TDRD3: variants seen among roughly 807,000 people sequenced by gnomAD.
The protein encoded by TDRD3 is tudor domain containing 3.
In TDRD3, 45 loss-of-function variants were observed where a neutral mutation model predicts 86.7. The ratio of observed to expected loss-of-function variants is 0.52; its 90% CI spans 0.41 to 0.67. TDRD3 has a LOEUF of 0.67. TDRD3 is among the 30% of genes least tolerant of loss of function. The probability of loss-of-function intolerance (pLI) is 0.00; values close to 1 mark genes in which losing one functional copy is unlikely to be tolerated. For missense variants in TDRD3, 814 were observed against 889.0 expected, an observed-to-expected ratio of 0.92 and a Z score of 1.07; for synonymous variants, 298 against 301.7, an observed-to-expected ratio of 0.99 and a Z score of 0.13.
At chr13:60,567,409 G>A in intron 12 of TDRD3, 116 bp from the exon 13 acceptor site, 2 of 1,334,564 alleles carry the variant, frequency 1.5e-6, no homozygotes, top group Non-Finnish European at 2.1e-6. Flanking sequence ...GTTGACATGT[G>A]TGAATTCCAG....
At chr13:60,499,474 C>G (rs796613407) in intron 8 of TDRD3, among the ~76,000 whole-genome samples, 1 of 152,222 alleles carries the variant, frequency 6.6e-6, no homozygotes, top group East Asian at 1.9e-4. Flanking sequence ...TACTGTCCTT[C>G]CTCAGGGGTA....
Position 60,528,557 on chromosome 13 carries a change from A to G in TDRD3, c.1332A>G (p.Gly444=), listed in dbSNP as rs1957503020. 1.2e-6 allele frequency: 2 copies of G among 1,613,940 alleles called. No individual in the cohort carries two copies. Among genetic ancestry groups the G allele is most frequent in the African/African-American group, 1.3e-5 (1 of 74,926 alleles). ...CAAAGTCAGTTTTAGAAGGCAGTGG[A>G]TTACCTAGAAATAGAGGTTCTGAAA... ...QNSKSVLEGS[G]LPRNRGSERP... The change falls in exon 11 of 14, where the codon GGA becomes GGG. Residue 444 remains glycine, a synonymous_variant. Transcript: ENST00000377881.
chr13:60,464,381 A>G (rs1955868770), intron 4 of TDRD3, among the ~76,000 whole-genome samples: 1 of 152,130 alleles, frequency 6.6e-6, no homozygotes, highest in Non-Finnish European at 1.5e-5. Context: ...ATACCATATG[A>G]TACAGCAGTC....
intron 1 of TDRD3, among the ~76,000 whole-genome samples, chr13:60,437,449 A>G (rs1955148513): frequency 6.6e-6 from 1 of 152,028 alleles, no homozygotes; most frequent in African/African-American, 2.4e-5. Flanking sequence ...TATAATGGAA[A>G]GAGTGCTGAA....
chr13:60,400,670 G>A (rs898563010), intron 1 of TDRD3, among the ~76,000 whole-genome samples: 8 of 151,808 alleles, frequency 5.3e-5, no homozygotes, highest in African/African-American at 9.7e-5. Flanking sequence ...CCCAGGAGGC[G>A]GAGGTTGCAG....
chr13:60,556,742 T>C (rs1958196097), intron 12 of TDRD3, among the ~76,000 whole-genome samples: 1 of 152,158 alleles, frequency 6.6e-6, no homozygotes, highest in African/African-American at 2.4e-5. Context: ...TTATGCAGAA[T>C]GGTAACTACG....
intron 12 of TDRD3, among the ~76,000 whole-genome samples, chr13:60,555,413 A>G (rs1450317111): frequency 6.6e-6 from 1 of 152,194 alleles, no homozygotes; most frequent in Non-Finnish European, 1.5e-5. Context: ...TAATATCTAT[A>G]GGATCTCTAT....
chr13:60,396,325 G>A (rs542067256), upstream of TDRD3: 1 of 152,222 alleles, frequency 6.6e-6, no homozygotes, highest in Non-Finnish European at 1.5e-5. Context: ...AAACTTTTAG[G>A]GAGCGCCTCT....
chr13:60,431,837 A>G (rs1954961609), intron 1 of TDRD3, among the ~76,000 whole-genome samples: 1 of 151,960 alleles, frequency 6.6e-6, no homozygotes, highest in Non-Finnish European at 1.5e-5. Flanking sequence ...CTTATATTGA[A>G]AGTAGTTTAC....
Position 60,497,701 on chromosome 13 carries a change from C to T in TDRD3, c.858+3126C>T, listed in dbSNP as rs578205694. Among the ~76,000 whole-genome samples, 7 of 152,236 alleles carry T rather than the reference C, an allele frequency of 4.6e-5. No individual in the cohort carries two copies. The East Asian group carries it at 1.4e-3, about 29-fold the overall frequency. On this transcript the variant is annotated intron_variant, in intron 8 of 13. Coordinates refer to ENST00000377881, the MANE Select transcript of TDRD3 (RefSeq NM_001146070.2). ...GGCATTGGTTGGAAAAGAGTAGGAC[C>T]TTGTAGCTTGGAATGGGGATGTGTG...
chr13:60,443,136 C>T (rs1016298240), intron 2 of TDRD3, among the ~76,000 whole-genome samples: 12 of 151,888 alleles, frequency 7.9e-5, no homozygotes, highest in African/African-American at 2.9e-4. Flanking sequence ...GTTTTATACT[C>T]ACTAAAATAA....
chr13:60,561,701 A>G (rs1189133586), intron 12 of TDRD3, among the ~76,000 whole-genome samples: 5 of 152,174 alleles, frequency 3.3e-5, no homozygotes, highest in Admixed American at 3.3e-4. Context: ...ACTGGGTACC[A>G]CAGTGAGGGG....
At chr13:60,558,138 T>A (rs926111579) in intron 12 of TDRD3, among the ~76,000 whole-genome samples, 1 of 152,174 alleles carries the variant, frequency 6.6e-6, no homozygotes, top group Admixed American at 6.5e-5. Context: ...TCTGATTTTT[T>A]AAAATCTGTA....
At chr13:60,435,693 C>G (rs894203444) in intron 1 of TDRD3, among the ~76,000 whole-genome samples, 4 of 152,126 alleles carry the variant, frequency 2.6e-5, no homozygotes, top group African/African-American at 9.7e-5. Context: ...TAAGTTGGTT[C>G]CACATCTTTG....
intron 5 of TDRD3, among the ~76,000 whole-genome samples, chr13:60,467,858 T>C (rs915634572): frequency 1.6e-4 from 25 of 152,208 alleles, no homozygotes; most frequent in African/African-American, 5.8e-4. Flanking sequence ...TCTTCATCTT[T>C]CCAGTCATGT....
chr13:60,474,581 A>G (rs1956145154), intron 5 of TDRD3, among the ~76,000 whole-genome samples: 1 of 152,176 alleles, frequency 6.6e-6, no homozygotes, highest in Non-Finnish European at 1.5e-5. Context: ...TCAATAATAC[A>G]TACCACTTTA....
intron 5 of TDRD3, among the ~76,000 whole-genome samples, chr13:60,473,615 C>G (rs1956116456): frequency 6.6e-6 from 1 of 152,158 alleles, no homozygotes; most frequent in African/African-American, 2.4e-5. Context: ...TAGTATTACT[C>G]TTTATTCCAA....
At chr13:60,557,218 A>G (rs1268895203) in intron 12 of TDRD3, among the ~76,000 whole-genome samples, 2 of 151,654 alleles carry the variant, frequency 1.3e-5, no homozygotes, top group Admixed American at 1.3e-4. Context: ...AAAAAAAAAA[A>G]AAAAAAAAAG....
chr13:60,539,221 T>C (rs915672529), intron 12 of TDRD3, among the ~76,000 whole-genome samples: 7 of 152,104 alleles, frequency 4.6e-5, no homozygotes, highest in African/African-American at 1.7e-4. Flanking sequence ...AGTACATCTC[T>C]TAGTTGTCGG....
Sources: gnomAD v4.1 joint callset for allele counts (sites outside exome capture counted in the v4.1 genomes callset) on GRCh38, gnomAD v4.1.1 for gene constraint, MANE v1.5 for transcripts, NCBI Gene and HGNC (gene_info 2026-07-23, HGNC 2026-07-21) for gene names.